MSMB: variants seen among roughly 807,000 people sequenced by gnomAD.
The protein encoded by MSMB is microseminoprotein beta, also known as beta-microseminoprotein.
Under a neutral mutation model 10.5 loss-of-function variants are expected in MSMB, and 10 were observed. The ratio of observed to expected loss-of-function variants is 0.95; its 90% CI spans 0.59 to 1.62. The LOEUF (loss-of-function observed/expected upper bound fraction) is 1.62, where lower values mean the gene tolerates loss of function less well. MSMB is among the 40% of genes most tolerant of loss of function. The pLI, the probability that MSMB is intolerant of heterozygous loss-of-function variation, is 0.00. For missense variants in MSMB, 126 were observed against 137.4 expected, an observed-to-expected ratio of 0.92 and a Z score of 0.42; for synonymous variants, 43 against 46.5, an observed-to-expected ratio of 0.93 and a Z score of 0.30.
chr10:46,041,952 C>T lies in MSMB; in HGVS notation c.4-1861G>A, dbSNP rs755036204. ...CATGTTCTTTGAGATCTGTGGAGAG[C>T]GATTATTCAATAAATGCTATTAGAA... is the stretch of plus-strand genomic sequence containing the variant. On this transcript the variant is annotated intron_variant, in intron 1 of 3. Coordinates refer to ENST00000582163, the MANE Select transcript of MSMB (RefSeq NM_002443.4). Among the ~76,000 whole-genome samples, 74 of 151,808 alleles carry T rather than the reference C, an allele frequency of 4.9e-4. 1 individual carries two copies. Among genetic ancestry groups the T allele is most frequent in the Non-Finnish European group, 8.4e-4 (57 of 67,962 alleles).
intron 3 of MSMB, among the ~76,000 whole-genome samples, chr10:46,037,903 G>A (rs1035152202): frequency 2.0e-5 from 3 of 152,218 alleles, no homozygotes; most frequent in Admixed American, 2.0e-4. Flanking sequence ...GATGCAAAAT[G>A]TGGTCTCTCC....
chr10:46,044,157 C>G (rs554984730), intron 1 of MSMB, among the ~76,000 whole-genome samples: 1 of 152,260 alleles, frequency 6.6e-6, no homozygotes, highest in Admixed American at 6.5e-5. Flanking sequence ...GTCTTCCTTT[C>G]CTGCATTTAG....
chr10:46,044,533 G>A (rs1198690469), intron 1 of MSMB, among the ~76,000 whole-genome samples: 3 of 126,372 alleles, frequency 2.4e-5, no homozygotes, highest in African/African-American at 5.8e-5. Context: ...CCGAGATTGC[G>A]CCACTGCACT....
At chr10:46,038,937 C>G (rs374816220) in intron 3 of MSMB, 29 bp downstream of exon 3, 3 of 1,590,728 alleles carry the variant, frequency 1.9e-6, no homozygotes, top group Middle Eastern at 1.7e-4. Flanking sequence ...CTATGTCCCC[C>G]TCTTGGCCAG....
intron 1 of MSMB, among the ~76,000 whole-genome samples, chr10:46,041,558 C>A (rs1554928628): frequency 1.3e-5 from 2 of 152,072 alleles, no homozygotes; most frequent in Non-Finnish European, 2.9e-5. Flanking sequence ...ATTTGGGAAG[C>A]TGAGGCAGGC....
chr10:46,044,605 T>G (rs113912690), intron 1 of MSMB, among the ~76,000 whole-genome samples: 6,792 of 89,064 alleles, frequency 0.076, 761 homozygotes, highest in African/African-American at 0.28. Context: ...AAAAAAAAAG[T>G]TGTATCTCTT....
intron 1 of MSMB, among the ~76,000 whole-genome samples, chr10:46,045,130 C>T (rs73318181): frequency 6.6e-6 from 1 of 152,172 alleles, no homozygotes; most frequent in African/African-American, 2.4e-5. Flanking sequence ...CCCTTGCAGC[C>T]CCCAGAGCAG....
chr10:46,039,971 A>G lies in MSMB; in HGVS notation c.109+15T>C. ...GCTGCAATAACATAATAAACATTGA[A>G]AAGCCAAGACTTACTCCTGGTTGAA... On this transcript the variant is annotated intron_variant, in intron 2 of 3. Coordinates refer to ENST00000582163, the MANE Select transcript of MSMB (RefSeq NM_002443.4). 1.3e-6 allele frequency: 2 copies of G among 1,598,834 alleles called. No individual in the cohort carries two copies. The highest frequency in any genetic ancestry group is 1.7e-6 in the Non-Finnish European group (2 of 1,166,512).
At chr10:46,045,854 A>G (rs1840884564) in intron 1 of MSMB, among the ~76,000 whole-genome samples, 1 of 152,268 alleles carries the variant, frequency 6.6e-6, no homozygotes, top group Non-Finnish European at 1.5e-5. Flanking sequence ...CCCCAGTGGC[A>G]GCTTCTTCCC....
chr10:46,034,313 G>A (rs1000288381), intron 3 of MSMB, among the ~76,000 whole-genome samples: 3 of 151,164 alleles, frequency 2.0e-5, no homozygotes, highest in Admixed American at 6.6e-5. Flanking sequence ...GCGGGTCGGC[G>A]CGGGGGAGGT....
At chr10:46,038,874 AC>A in intron 3 of MSMB, 91 bp downstream of exon 3, 1 of 1,058,180 alleles carries the variant, frequency 9.5e-7, no homozygotes, top group Non-Finnish European at 1.4e-6. Context: ...CAAAAACTAA[AC>A]CCCTGAAGAT....
chr10:46,033,563 A>T lies in MSMB; in HGVS notation c.216-12T>A. ...CAGGTGTAGAAACACTGTCATTGAGACAAAACTGGGGCCTGTTAGAAGAGA... is the reference window on the plus strand; with the variant it reads ...CAGGTGTAGAAACACTGTCATTGAGTCAAAACTGGGGCCTGTTAGAAGAGA... On this transcript the variant is annotated splice_polypyrimidine_tract_variant and intron_variant, in intron 3 of 3. Transcript: ENST00000582163. 1.9e-6 allele frequency: 3 copies of T among 1,612,668 alleles called. No individual in the cohort carries two copies. Among genetic ancestry groups the T allele is most frequent in the Non-Finnish European group, 2.5e-6 (3 of 1,178,898 alleles).
intron 3 of MSMB, among the ~76,000 whole-genome samples, chr10:46,034,206 A>G (rs1438229119): frequency 6.6e-6 from 1 of 152,090 alleles, no homozygotes; most frequent in Non-Finnish European, 1.5e-5. Context: ...TCCGTCTCCC[A>G]GGTTTAAGCG....
intron 1 of MSMB, among the ~76,000 whole-genome samples, chr10:46,043,915 T>C (rs1446143716): frequency 1.5e-4 from 21 of 142,078 alleles, no homozygotes; most frequent in Non-Finnish European, 2.6e-4. Context: ...CCTCAAATGA[T>C]CCGCCCGCCT....
At chr10:46,038,292 AT>A (rs782262580) in intron 3 of MSMB, among the ~76,000 whole-genome samples, 271 of 143,288 alleles carry the variant, frequency 1.9e-3, no homozygotes, top group African/African-American at 2.2e-3. Flanking sequence ...TTTTACCGCA[AT>A]TTTTTTTTTT....
chr10:46,035,582 G>T (rs1367890644), intron 3 of MSMB, among the ~76,000 whole-genome samples: 2 of 152,216 alleles, frequency 1.3e-5, no homozygotes, highest in Non-Finnish European at 2.9e-5. Context: ...TTGTATTTAT[G>T]TGAAATATCT....
At chr10:46,038,760 C>CGTGCAT (rs1840673099) in intron 3 of MSMB, among the ~76,000 whole-genome samples, 2 of 152,108 alleles carry the variant, frequency 1.3e-5, no homozygotes, top group South Asian at 4.1e-4. Flanking sequence ...ACGGGGAGGT[C>CGTGCAT]GTGCATGTGT....
intron 3 of MSMB, among the ~76,000 whole-genome samples, chr10:46,034,735 G>A (rs1475549810): frequency 3.3e-5 from 5 of 151,526 alleles, no homozygotes; most frequent in African/African-American, 1.2e-4. Context: ...TGAGACAGGA[G>A]AATGGCGTGA....
rs901658462 is a variant in MSMB at position 46,038,950 on chromosome 10, C to A, written c.215+16G>T. 1 of 1,610,752 alleles carries A rather than the reference C, an allele frequency of 6.2e-7. No individual in the cohort carries two copies. The highest frequency in any genetic ancestry group is 8.5e-7 in the Non-Finnish European group (1 of 1,177,532). Reference sequence around the variant, plus strand: ...AGCTATGTCCCCCTCTTGGCCAGCACTGGCTTGAGACTTACAGGGTGCAAC... The same window carrying A: ...AGCTATGTCCCCCTCTTGGCCAGCAATGGCTTGAGACTTACAGGGTGCAAC... On this transcript the variant is annotated intron_variant, in intron 3 of 3. Coordinates refer to ENST00000582163, the MANE Select transcript of MSMB (RefSeq NM_002443.4).
Sources: gnomAD v4.1 joint callset for allele counts (sites outside exome capture counted in the v4.1 genomes callset) on GRCh38, gnomAD v4.1.1 for gene constraint, MANE v1.5 for transcripts, NCBI Gene and HGNC (gene_info 2026-07-23, HGNC 2026-07-21) for gene names.